Variants in PLEKHA7 observed in about 807,000 individuals in gnomAD.
PLEKHA7 encodes the protein pleckstrin homology domain-containing family A member 7.
Under a neutral mutation model 170.0 loss-of-function variants are expected in PLEKHA7, and 104 were observed. The ratio of observed to expected loss-of-function variants is 0.61; its 90% CI spans 0.52 to 0.72. The LOEUF (loss-of-function observed/expected upper bound fraction) is 0.72, where lower values mean the gene tolerates loss of function less well. Ranked by LOEUF, PLEKHA7 falls within the 30% of genes least tolerant of loss-of-function variation. PLEKHA7 has a pLI of 0.00. For synonymous variants in PLEKHA7, 648 were observed against 660.8 expected (o/e 0.98, Z 0.30); for missense variants, 1,615 against 1,671.7 (o/e 0.97, Z 0.59).
chr11:16,952,572 T>C (rs1292413167), intron 3 of PLEKHA7, among the ~76,000 whole-genome samples: 1 of 151,574 alleles, frequency 6.6e-6, no homozygotes, highest in African/African-American at 2.4e-5. Context: ...TACTTTTAAC[T>C]TAAAAAAAAA....
At chr11:17,008,727 G>A (rs897606704) in intron 3 of PLEKHA7, among the ~76,000 whole-genome samples, 7 of 152,170 alleles carry the variant, frequency 4.6e-5, no homozygotes, top group Admixed American at 3.9e-4. Flanking sequence ...CTTGGCACAG[G>A]CAAGGTGGCT....
intron 3 of PLEKHA7, among the ~76,000 whole-genome samples, chr11:16,914,213 C>A (rs1227267413): frequency 6.6e-6 from 1 of 152,140 alleles, no homozygotes; most frequent in Non-Finnish European, 1.5e-5. Flanking sequence ...GCAGTAATCA[C>A]CCCTGGACTT....
At chr11:16,836,164 T>C (rs533530801) in intron 9 of PLEKHA7, among the ~76,000 whole-genome samples, 1 of 152,354 alleles carries the variant, frequency 6.6e-6, no homozygotes, top group African/African-American at 2.4e-5. Context: ...CTTGATGATA[T>C]GAGTTTGGGC....
intron 3 of PLEKHA7, among the ~76,000 whole-genome samples, chr11:16,982,354 C>A (rs2136863084): frequency 6.6e-6 from 1 of 152,344 alleles, no homozygotes; most frequent in Admixed American, 6.5e-5. Context: ...TTGAGGCGAG[C>A]CAGTTGCCCC....
At chr11:16,977,613 T>G (rs1031175392) in intron 3 of PLEKHA7, among the ~76,000 whole-genome samples, 7 of 152,134 alleles carry the variant, frequency 4.6e-5, no homozygotes, top group Non-Finnish European at 1.5e-5. Flanking sequence ...ACAGCAGATA[T>G]GAAATAAATA....
chr11:16,851,410 A>G (rs381163), intron 7 of PLEKHA7, 119 bp from the exon 8 acceptor site: 1 of 551,922 alleles, frequency 1.8e-6, no homozygotes, highest in Non-Finnish European at 3.2e-6. Flanking sequence ...CCATCCTCCC[A>G]CAACCCACAC....
Position 16,801,696 on chromosome 11 carries a change from A to T in PLEKHA7, c.2279T>A (p.Ile760Asn). ...QKLLQEDLVH[I>N]RAELSRESTE... ...GGACTCTCTGGAGAGCTCAGCTCGG[A>T]TATGGACAAGGTCCTCCTGCAGCAA... is the stretch of plus-strand genomic sequence containing the variant. Residue 760 changes from isoleucine (I) to asparagine (N), a missense_variant, in exon 16 of 27, where the codon ATC (isoleucine) becomes AAC (asparagine). By Grantham distance (149) the Ile-to-Asn change is moderately radical. Coordinates refer to ENST00000531066, the MANE Select transcript of PLEKHA7 (RefSeq NM_001329630.2). 20 of 1,614,142 alleles carry T rather than the reference A, an allele frequency of 1.2e-5. No homozygotes were observed. Among genetic ancestry groups the T allele is most frequent in the Non-Finnish European group, 1.7e-5 (20 of 1,180,014 alleles).
At chr11:16,980,758 C>T (rs1449092247) in intron 3 of PLEKHA7, among the ~76,000 whole-genome samples, 2 of 151,988 alleles carry the variant, frequency 1.3e-5, no homozygotes, top group Admixed American at 6.6e-5. Context: ...CCCGTCTCTA[C>T]TAAAAATACA....
intron 7 of PLEKHA7, among the ~76,000 whole-genome samples, chr11:16,851,667 T>C (rs1395153079): frequency 6.6e-6 from 1 of 152,154 alleles, no homozygotes; most frequent in Non-Finnish European, 1.5e-5. Flanking sequence ...TAGGCTGGTC[T>C]CGAATGCCTG....
At chr11:16,914,444 G>A (rs573989693) in intron 3 of PLEKHA7, among the ~76,000 whole-genome samples, 9 of 152,214 alleles carry the variant, frequency 5.9e-5, no homozygotes, top group Admixed American at 2.6e-4. Context: ...AAACATTCTC[G>A]CTTCCAAAAT....
At position 16,854,915 on chromosome 11, in the gene PLEKHA7, C is replaced by G. The variant is rs778274669; in HGVS notation, c.496G>C (p.Val166Leu). The change falls in exon 6 of 27, where the codon GTG becomes CTG. Residue 166 changes from valine (V) to leucine (L), a missense_variant. Physicochemically the swap from Val to Leu is conservative, Grantham distance 32. Coordinates refer to ENST00000531066, the MANE Select transcript of PLEKHA7 (RefSeq NM_001329630.2). ...TGCTTGTGCAGCCAGCCCCTCACCA[C>G]CACGGGAACATTGGGGTTCCTCCGA... ...AIRRNPNVPV[V>L]VRGWLHKQDS... The G allele has an allele frequency of 6.2e-7, 1 of 1,614,046 alleles. No individual in the cohort carries two copies. Among genetic ancestry groups the G allele is most frequent in the Non-Finnish European group, 8.5e-7 (1 of 1,179,958 alleles).
intron 19 of PLEKHA7, 108 bp downstream of exon 19, chr11:16,794,380 G>C (rs573833735): frequency 9.2e-6 from 10 of 1,081,688 alleles, no homozygotes; most frequent in Middle Eastern, 2.0e-4. Context: ...TTAGGACGCT[G>C]GCTGGGTCCA....
rs528512702 is a variant in PLEKHA7, at chr11:16,876,424, C to T, written c.222-5242G>A. Among the ~76,000 whole-genome samples, 109 of 152,196 alleles carry T rather than the reference C, an allele frequency of 7.2e-4. No individual in the cohort carries two copies. In the South Asian group the frequency reaches 0.022, roughly 31 times the overall value. On this transcript the variant is annotated intron_variant, in intron 3 of 26. Coordinates refer to ENST00000531066, the MANE Select transcript of PLEKHA7 (RefSeq NM_001329630.2). Reference sequence around the variant, plus strand: ...ACAAGCTAGCCTCCATTTTCAAATCCCGCTCTTCCTCCCAGAAGCAGCCCC... The same window carrying T: ...ACAAGCTAGCCTCCATTTTCAAATCTCGCTCTTCCTCCCAGAAGCAGCCCC...
intron 3 of PLEKHA7, among the ~76,000 whole-genome samples, chr11:16,980,209 A>G (rs1863340732): frequency 6.6e-6 from 1 of 152,236 alleles, no homozygotes; most frequent in African/African-American, 2.4e-5. Flanking sequence ...CAATAGCAAG[A>G]ACAGCTAGCA....
At chr11:16,836,250 C>T (rs984947483) in intron 9 of PLEKHA7, among the ~76,000 whole-genome samples, 1 of 152,198 alleles carries the variant, frequency 6.6e-6, no homozygotes, top group East Asian at 1.9e-4. Flanking sequence ...GAATTTAACA[C>T]ACAGGTGGGA....
chr11:16,865,858 G>C (rs548358426), intron 4 of PLEKHA7, among the ~76,000 whole-genome samples: 1 of 152,010 alleles, frequency 6.6e-6, no homozygotes, highest in South Asian at 2.1e-4. Context: ...TATTTATTGA[G>C]ATGGAGTCTC....
At chr11:16,947,915 C>CAAAAAA (rs756124686) in intron 3 of PLEKHA7, among the ~76,000 whole-genome samples, 1 of 67,032 alleles carries the variant, frequency 1.5e-5, no homozygotes, top group Non-Finnish European at 3.0e-5. Flanking sequence ...GACTCCGTCT[C>CAAAAAA]AAAAAAAAAA....
chr11:16,908,067 A>T (rs540654332), intron 3 of PLEKHA7, among the ~76,000 whole-genome samples: 1 of 151,740 alleles, frequency 6.6e-6, no homozygotes, highest in Non-Finnish European at 1.5e-5. Context: ...TGAAGGCAGC[A>T]TGCTCGTTAA....
intron 3 of PLEKHA7, among the ~76,000 whole-genome samples, chr11:16,998,459 G>A (rs186621184): frequency 4.6e-5 from 7 of 152,258 alleles, no homozygotes; most frequent in East Asian, 1.9e-4. Context: ...AGACACATGC[G>A]GCTTTTGGAG....
Sources: gnomAD v4.1 joint callset for allele counts (sites outside exome capture counted in the v4.1 genomes callset) on GRCh38, gnomAD v4.1.1 for gene constraint, MANE v1.5 for transcripts, NCBI Gene and HGNC (gene_info 2026-07-23, HGNC 2026-07-21) for gene names.